The following EPHB1 variants were observed in gnomAD, a reference collection of about 807,000 sequenced individuals.
The protein encoded by EPHB1 is ephrin type-B receptor 1.
Under a neutral mutation model 94.4 loss-of-function variants are expected in EPHB1, and 30 were observed. That is an observed-to-expected ratio of 0.32 (90% CI 0.24 to 0.43). The LOEUF (loss-of-function observed/expected upper bound fraction) is 0.43. EPHB1 is among the 20% of genes least tolerant of loss of function. EPHB1 has a pLI of 1.00. For synonymous variants in EPHB1, 522 were observed against 489.1 expected, an observed-to-expected ratio of 1.07 and a Z score of -0.89; for missense variants, 1,055 against 1,308.3, an observed-to-expected ratio of 0.81 and a Z score of 2.99.
At chr3:134,834,753 G>A (rs1362452301) in intron 1 of EPHB1, among the ~76,000 whole-genome samples, 7 of 152,096 alleles carry the variant, frequency 4.6e-5, no homozygotes, top group Non-Finnish European at 1.0e-4. Context: ...GGCTGTCACC[G>A]GCAGATGAAT....
chr3:135,095,401 T>C (rs1331751808), intron 3 of EPHB1, among the ~76,000 whole-genome samples: 3 of 152,168 alleles, frequency 2.0e-5, no homozygotes, highest in African/African-American at 4.8e-5. Context: ...AGCTCTTGAA[T>C]CTATCTACTT....
At chr3:134,929,334 G>A (rs1345329265) in intron 2 of EPHB1, among the ~76,000 whole-genome samples, 2 of 152,062 alleles carry the variant, frequency 1.3e-5, no homozygotes, top group Admixed American at 1.3e-4. Flanking sequence ...AGCAGGTGTT[G>A]AGAGGGCACA....
chr3:135,257,562 G>T (rs908994463), intron 15 of EPHB1, among the ~76,000 whole-genome samples: 10 of 152,028 alleles, frequency 6.6e-5, no homozygotes, highest in African/African-American at 2.2e-4. Context: ...ACCTGAGGAG[G>T]CAGTCTGCCC....
At chr3:135,173,966 C>G (rs1941893678) in intron 9 of EPHB1, among the ~76,000 whole-genome samples, 1 of 152,238 alleles carries the variant, frequency 6.6e-6, no homozygotes, top group Admixed American at 6.5e-5. Context: ...TCTGACTGCT[C>G]ATCAACTGCA....
chr3:134,884,758 C>T (rs548695775), intron 1 of EPHB1, among the ~76,000 whole-genome samples: 1 of 152,272 alleles, frequency 6.6e-6, no homozygotes, highest in East Asian at 1.9e-4. Flanking sequence ...TGTCTGTTTC[C>T]TCTGTTATGT....
chr3:134,873,802 G>A (rs2037553240), intron 1 of EPHB1, among the ~76,000 whole-genome samples: 1 of 152,224 alleles, frequency 6.6e-6, no homozygotes, highest in African/African-American at 2.4e-5. Context: ...GGGGTCTCCA[G>A]TGTGGGTTGG....
intron 12 of EPHB1, among the ~76,000 whole-genome samples, chr3:135,209,505 T>C (rs1026422347): frequency 1.3e-5 from 2 of 152,180 alleles, no homozygotes; most frequent in African/African-American, 4.8e-5. Flanking sequence ...ATAACTTGGG[T>C]CTCATCATGA....
intron 11 of EPHB1, among the ~76,000 whole-genome samples, chr3:135,200,128 C>A (rs3772636): frequency 0.37 from 56,202 of 152,068 alleles, 11,078 homozygotes; most frequent in East Asian, 0.63. Flanking sequence ...ACATAATTCT[C>A]AGCCCTTTGG....
intron 3 of EPHB1, among the ~76,000 whole-genome samples, chr3:134,990,070 T>C (rs184630320): frequency 2.2e-4 from 33 of 152,336 alleles, no homozygotes; most frequent in African/African-American, 6.5e-4. Context: ...TTTATCACAA[T>C]TTCTCCTTAC....
At chr3:135,146,906 G>T (rs949234243) in intron 5 of EPHB1, among the ~76,000 whole-genome samples, 2 of 152,182 alleles carry the variant, frequency 1.3e-5, no homozygotes, top group African/African-American at 4.8e-5. Context: ...CAGCCTGGCA[G>T]GTGGGATCTG....
At chr3:134,965,579 A>G (rs1933709221) in intron 3 of EPHB1, among the ~76,000 whole-genome samples, 1 of 152,192 alleles carries the variant, frequency 6.6e-6, no homozygotes, top group African/African-American at 2.4e-5. Context: ...AAAAAGAAAG[A>G]GAATTTCCTC....
chr3:135,104,904 C>A (rs778207513), intron 3 of EPHB1, among the ~76,000 whole-genome samples: 9 of 152,218 alleles, frequency 5.9e-5, no homozygotes, highest in Non-Finnish European at 8.8e-5. Context: ...GGAAACAATT[C>A]TTTCTTCTTG....
chr3:135,005,371 CAG>C (rs1193002689), intron 3 of EPHB1, among the ~76,000 whole-genome samples: 2 of 152,236 alleles, frequency 1.3e-5, no homozygotes, highest in African/African-American at 4.8e-5. Context: ...AGCTGTCAGA[CAG>C]GGACATTTTA....
intron 2 of EPHB1, among the ~76,000 whole-genome samples, chr3:134,945,695 T>C (rs1314869379): frequency 6.6e-6 from 1 of 152,230 alleles, no homozygotes; most frequent in Non-Finnish European, 1.5e-5. Flanking sequence ...TGTTTTGCTG[T>C]TGTTTTAATG....
At chr3:135,141,221 A>G (rs1303041403) in intron 5 of EPHB1, among the ~76,000 whole-genome samples, 3 of 151,548 alleles carry the variant, frequency 2.0e-5, no homozygotes, top group Non-Finnish European at 4.4e-5. Context: ...TGGGGGAACA[A>G]CAGCCCAGTC....
intron 12 of EPHB1, among the ~76,000 whole-genome samples, chr3:135,228,595 T>C (rs1943457087): frequency 6.6e-6 from 1 of 152,206 alleles, no homozygotes; most frequent in African/African-American, 2.4e-5. Flanking sequence ...GCATCAATGT[T>C]TTTTCCCATT....
chr3:135,112,539 C>A (rs1401095188), intron 4 of EPHB1, among the ~76,000 whole-genome samples: 1 of 103,814 alleles, frequency 9.6e-6, no homozygotes, highest in Non-Finnish European at 1.9e-5. Flanking sequence ...TCCCTCCCCC[C>A]TCCCCCCACC....
At chr3:134,908,975 G>A (rs1033476878) in intron 1 of EPHB1, among the ~76,000 whole-genome samples, 1 of 151,900 alleles carries the variant, frequency 6.6e-6, no homozygotes, top group African/African-American at 2.4e-5. Flanking sequence ...TGTGGTCCTG[G>A]AATCCATCAA....
rs748011668 is a variant in EPHB1, at chr3:134,951,780, A to T, written c.533A>T (p.Gln178Leu). Residue 178 changes from glutamine to leucine, a missense_variant, in exon 3 of 16, where the codon CAG becomes CTG. Coordinates refer to ENST00000398015, the MANE Select transcript of EPHB1 (RefSeq NM_004441.5). The surrounding 1 kb of genome is among the most constrained non-coding windows in gnomAD (Gnocchi z 4.5). ...LTRNGFYLAF[Q>L]DYGACMSLLS... The stretch of plus-strand genomic sequence containing the variant: ...CGGAATGGTTTTTACCTCGCTTTTC[A>T]GGATTATGGAGCCTGTATGTCTCTT... 1 of 1,614,012 alleles carries T rather than the reference A, an allele frequency of 6.2e-7. No individual in the cohort carries two copies. The highest frequency in any genetic ancestry group is 2.2e-5 in the East Asian group (1 of 44,884).
Sources: gnomAD v4.1 joint callset for allele counts (sites outside exome capture counted in the v4.1 genomes callset) on GRCh38, gnomAD v4.1.1 for gene constraint, Gnocchi (gnomAD v3.1) non-coding constraint, MANE v1.5 for transcripts, NCBI Gene and HGNC (gene_info 2026-07-23, HGNC 2026-07-21) for gene names.